Variants in PTPRG observed in about 807,000 individuals in gnomAD.
PTPRG encodes the protein receptor-type tyrosine-protein phosphatase gamma.
In PTPRG, 102 loss-of-function variants were observed where a neutral mutation model predicts 165.3. The observed-to-expected ratio is 0.62, with a 90% CI of 0.53 to 0.73. The LOEUF is 0.73. PTPRG is among the 30% of genes least tolerant of loss of function. PTPRG has a pLI of 0.00. For synonymous variants in PTPRG, 675 were observed against 669.5 expected (o/e 1.01, Z -0.13); for missense variants, 1,866 against 1,861.4 (o/e 1.00, Z -0.05).
chr3:61,740,413 T>C (rs2032930014), intron 1 of PTPRG, among the ~76,000 whole-genome samples: 1 of 152,196 alleles, frequency 6.6e-6, no homozygotes, highest in Non-Finnish European at 1.5e-5. Flanking sequence ...TATAAATCAG[T>C]TTTATAAGTG....
chr3:62,223,297 T>C (rs1015677539), intron 13 of PTPRG, among the ~76,000 whole-genome samples: 21 of 152,302 alleles, frequency 1.4e-4, no homozygotes, highest in African/African-American at 4.8e-4. Context: ...TAGCCTGGAT[T>C]TGGAGCCACA....
intron 2 of PTPRG, among the ~76,000 whole-genome samples, chr3:61,789,975 T>C (rs542575432): frequency 6.6e-6 from 1 of 152,354 alleles, no homozygotes; most frequent in South Asian, 2.1e-4. Context: ...TAGTGCTTCA[T>C]TTTCAGCAGC....
At chr3:62,017,995 C>A (rs1332929775) in intron 4 of PTPRG, among the ~76,000 whole-genome samples, 1 of 152,152 alleles carries the variant, frequency 6.6e-6, no homozygotes, top group East Asian at 1.9e-4. Flanking sequence ...TCGCTAGAAG[C>A]CTCTCCAGTG....
At chr3:62,055,569 G>A (rs901791777) in intron 4 of PTPRG, among the ~76,000 whole-genome samples, 1 of 152,172 alleles carries the variant, frequency 6.6e-6, no homozygotes, top group Non-Finnish European at 1.5e-5. Flanking sequence ...ATTATCACAA[G>A]CTAAGTAGCT....
chr3:61,880,609 G>A (rs1447708015), intron 2 of PTPRG, among the ~76,000 whole-genome samples: 4 of 134,342 alleles, frequency 3.0e-5, no homozygotes, highest in African/African-American at 5.9e-5. Flanking sequence ...GGGTGACAAC[G>A]CGAACCCTGT....
chr3:62,005,086 G>C (rs932127419), intron 4 of PTPRG, among the ~76,000 whole-genome samples: 2 of 152,080 alleles, frequency 1.3e-5, no homozygotes, highest in Non-Finnish European at 2.9e-5. Context: ...CTTATCCACT[G>C]TTCCTGGAGA....
At chr3:62,141,151 A>G (rs938762723) in intron 6 of PTPRG, among the ~76,000 whole-genome samples, 5 of 152,192 alleles carry the variant, frequency 3.3e-5, no homozygotes, top group African/African-American at 9.7e-5. Context: ...TGACAGTGTC[A>G]AGTGTTGGCA....
intron 4 of PTPRG, among the ~76,000 whole-genome samples, chr3:62,034,653 GTA>G (rs1699885575): frequency 6.6e-6 from 1 of 152,182 alleles, no homozygotes; most frequent in Non-Finnish European, 1.5e-5. Context: ...ATGGAAACTT[GTA>G]TAGTCAGGTG....
At chr3:62,269,253 A>C in intron 20 of PTPRG, 84 bp downstream of exon 20, 7,024 of 1,302,446 alleles carry the variant, frequency 5.4e-3, no homozygotes, top group Non-Finnish European at 6.7e-3. Flanking sequence ...GCCAAATCTC[A>C]TAACCAACTT....
intron 2 of PTPRG, among the ~76,000 whole-genome samples, chr3:61,950,396 T>G (rs1219646806): frequency 6.6e-6 from 1 of 152,200 alleles, no homozygotes; most frequent in African/African-American, 2.4e-5. Flanking sequence ...GGAAGTTGTA[T>G]CTTATGTTTT....
chr3:62,170,912 T>G (rs376356134), intron 8 of PTPRG, among the ~76,000 whole-genome samples: 56 of 152,252 alleles, frequency 3.7e-4, no homozygotes, highest in African/African-American at 1.3e-3. Flanking sequence ...CCGTCTAGGA[T>G]CTCAGGACTC....
chr3:62,212,057 G>A (rs1292444401), intron 12 of PTPRG, among the ~76,000 whole-genome samples: 2 of 151,946 alleles, frequency 1.3e-5, no homozygotes, highest in East Asian at 1.9e-4. Context: ...AAGGCTGTAC[G>A]GAGAGAAAGA....
chr3:61,627,828 G>T (rs1488462455), intron 1 of PTPRG, among the ~76,000 whole-genome samples: 1 of 152,178 alleles, frequency 6.6e-6, no homozygotes, highest in African/African-American at 2.4e-5. Flanking sequence ...AACTTGGGGG[G>T]AAATGAATAA....
chr3:61,771,976 C>T (rs1252436932), intron 2 of PTPRG, among the ~76,000 whole-genome samples: 1 of 145,258 alleles, frequency 6.9e-6, no homozygotes, highest in African/African-American at 2.5e-5. Flanking sequence ...AGGAGAATCA[C>T]TTGAACCTGA....
At chr3:62,164,870 G>A (rs1177932063) in intron 7 of PTPRG, among the ~76,000 whole-genome samples, 2 of 152,184 alleles carry the variant, frequency 1.3e-5, no homozygotes, top group African/African-American at 2.4e-5. Flanking sequence ...GAGTCGTATT[G>A]CTGAGACAGT....
rs944937579 is a variant in PTPRG, at chr3:62,292,431, G to C, written c.4066G>C (p.Val1356Leu). 2 of 1,612,406 alleles carry C rather than the reference G, an allele frequency of 1.2e-6. No individual in the cohort carries two copies. Among genetic ancestry groups the C allele is most frequent in the Admixed American group, 3.3e-5 (2 of 59,812 alleles). ...TTTTTTCTCCCCCAGGTATGGAGCA[G>C]TTTCAGCAGGAATGTTATGTGCCCT... ...PTIVHDEYGA[V>L]SAGMLCALTT... The change falls in exon 29 of 30, where the codon GTT becomes CTT. Residue 1356 changes from valine (V) to leucine (L), a missense_variant. By Grantham distance (32) the Val-to-Leu change is conservative (BLOSUM62 1). Transcript: ENST00000474889.
Position 61,562,123 on chromosome 3 carries a change from G to A in PTPRG, c.-165G>A, listed in dbSNP as rs1699770759. The A allele has an allele frequency of 3.4e-5, 20 of 586,802 alleles. No individual in the cohort carries two copies. The highest frequency in any genetic ancestry group is 4.7e-4 in the Middle Eastern group (1 of 2,134). The allele number at this position is 586,802 out of a possible 1,614,324, so 36.3% of individuals were successfully genotyped here. The stretch of plus-strand genomic sequence containing the variant: ...TTTGAGATTTTCCGGGGGGCGCTCG[G>A]CGGCTTCCCGGATTCCAAGGGGACT... On this transcript the variant is annotated 5_prime_UTR_variant, in exon 1 of 30. Coordinates refer to ENST00000474889, the MANE Select transcript of PTPRG (RefSeq NM_002841.4).
In PTPRG at chr3:61,562,404, C is replaced by T. The variant is rs758193362; in HGVS notation, c.85+32C>T. ...GCCGGCCGCCGAGGGGATGCGGCCC[C>T]GGCCGGCGCGCGTTGGGGATGCGGA... On this transcript the variant is annotated intron_variant, in intron 1 of 29. Coordinates refer to ENST00000474889, the MANE Select transcript of PTPRG (RefSeq NM_002841.4). The T allele has an allele frequency of 3.6e-5, 57 of 1,603,054 alleles. No individual in the cohort carries two copies. The African/African-American group carries it at 4.2e-4, about 12-fold the overall frequency.
chr3:61,572,295 T>TA (rs995552029), intron 1 of PTPRG, among the ~76,000 whole-genome samples: 1 of 151,912 alleles, frequency 6.6e-6, no homozygotes, highest in Non-Finnish European at 1.5e-5. Flanking sequence ...GAGACCAAGT[T>TA]AAAAAAAATA....
Sources: gnomAD v4.1 joint callset for allele counts (sites outside exome capture counted in the v4.1 genomes callset) on GRCh38, gnomAD v4.1.1 for gene constraint, MANE v1.5 for transcripts, NCBI Gene and HGNC (gene_info 2026-07-23, HGNC 2026-07-21) for gene names.